Variants in SHTN1 observed in about 807,000 individuals in gnomAD.
SHTN1 encodes the protein shootin-1.
Under a neutral mutation model 83.1 loss-of-function variants are expected in SHTN1, and 42 were observed. The observed-to-expected ratio is 0.51, with a 90% confidence interval of 0.39 to 0.65. The LOEUF is 0.65. SHTN1 is among the 30% of genes least tolerant of loss of function. The pLI, the probability that SHTN1 is intolerant of heterozygous loss-of-function variation, is 0.00. For missense variants in SHTN1, 622 were observed against 737.8 expected (o/e 0.84, Z 1.82); for synonymous variants, 224 against 247.7 (o/e 0.90, Z 0.90).
intron 1 of SHTN1, among the ~76,000 whole-genome samples, chr10:117,065,533 C>T (rs917542038): frequency 6.6e-6 from 1 of 150,896 alleles, no homozygotes; most frequent in Non-Finnish European, 1.5e-5. Flanking sequence ...GCCTGACCAA[C>T]ATGGTGAAAC....
At chr10:117,079,848 T>A (rs1357147586) in intron 1 of SHTN1, among the ~76,000 whole-genome samples, 1 of 148,878 alleles carries the variant, frequency 6.7e-6, no homozygotes, top group Non-Finnish European at 1.5e-5. Context: ...TTGAGAAGTG[T>A]CTGTTCATGT....
intron 3 of SHTN1, among the ~76,000 whole-genome samples, chr10:116,966,005 T>C (rs1048817827): frequency 5.9e-5 from 9 of 152,124 alleles, no homozygotes; most frequent in Non-Finnish European, 1.0e-4. Context: ...CTTATTTTTT[T>C]TGTTTTTTTG....
At chr10:116,895,302 C>T (rs1199874046) in intron 16 of SHTN1, among the ~76,000 whole-genome samples, 1 of 152,150 alleles carries the variant, frequency 6.6e-6, no homozygotes, top group African/African-American at 2.4e-5. Flanking sequence ...GCAAATAGAA[C>T]TTATGCTGAC....
At chr10:117,092,388 A>G (rs1012878419) in intron 1 of SHTN1, among the ~76,000 whole-genome samples, 4 of 152,226 alleles carry the variant, frequency 2.6e-5, no homozygotes, top group African/African-American at 9.6e-5. Context: ...ACCAAGCTAC[A>G]ACATCCTTTA....
chr10:116,942,349 A>G (rs1262826454), intron 8 of SHTN1, among the ~76,000 whole-genome samples: 4 of 151,918 alleles, frequency 2.6e-5, no homozygotes, highest in Admixed American at 6.6e-5. Context: ...AGTAGCTGGG[A>G]CTACAGGTGC....
intron 1 of SHTN1, among the ~76,000 whole-genome samples, chr10:117,090,402 G>A (rs942666923): frequency 1.3e-5 from 2 of 152,078 alleles, no homozygotes; most frequent in Non-Finnish European, 2.9e-5. Flanking sequence ...AGGGGCCAGG[G>A]GACAGAAGGC....
chr10:116,978,809 A>C (rs1056654987), intron 2 of SHTN1, among the ~76,000 whole-genome samples: 1 of 152,214 alleles, frequency 6.6e-6, no homozygotes, highest in East Asian at 1.9e-4. Context: ...TAAATAGAAG[A>C]AGCAGACATA....
intron 1 of SHTN1, among the ~76,000 whole-genome samples, chr10:117,120,811 ATTT>A (rs71013645): frequency 9.2e-5 from 13 of 141,432 alleles, no homozygotes; most frequent in Admixed American, 2.1e-4. Flanking sequence ...CACTGATTTG[ATTT>A]TTTTTTTTTT....
intron 1 of SHTN1, among the ~76,000 whole-genome samples, chr10:117,094,394 G>A (rs1460124038): frequency 1.3e-5 from 2 of 152,064 alleles, no homozygotes; most frequent in Non-Finnish European, 2.9e-5. Flanking sequence ...TTCTTCCTAG[G>A]GTTTCACCTT....
At chr10:116,988,557 T>A (rs574444449) in intron 1 of SHTN1, among the ~76,000 whole-genome samples, 1 of 150,544 alleles carries the variant, frequency 6.6e-6, no homozygotes, top group Non-Finnish European at 1.5e-5. Context: ...TTATTTATTT[T>A]ATTATTTTTG....
intron 9 of SHTN1, among the ~76,000 whole-genome samples, chr10:116,933,924 A>T (rs985541151): frequency 1.3e-5 from 2 of 152,078 alleles, no homozygotes; most frequent in Non-Finnish European, 2.9e-5. Flanking sequence ...ACCAGTGATG[A>T]TGAGCTTTTT....
At chr10:116,963,808 A>T (rs1850292308) in intron 3 of SHTN1, among the ~76,000 whole-genome samples, 1 of 152,192 alleles carries the variant, frequency 6.6e-6, no homozygotes. Flanking sequence ...TTCATAGTAA[A>T]AAAATTTTAA....
chr10:117,055,605 C>T (rs1308741089), intron 1 of SHTN1, among the ~76,000 whole-genome samples: 7 of 152,162 alleles, frequency 4.6e-5, no homozygotes, highest in Admixed American at 4.6e-4. Flanking sequence ...CAGTGGCTTG[C>T]ACCTGTAATT....
intron 1 of SHTN1, among the ~76,000 whole-genome samples, chr10:117,083,828 T>A (rs542074102): frequency 5.9e-5 from 9 of 152,284 alleles, no homozygotes; most frequent in African/African-American, 2.2e-4. Context: ...TTCTTCCAGT[T>A]GATCGCATCG....
chr10:117,114,407 G>T (rs1295551573), intron 1 of SHTN1, among the ~76,000 whole-genome samples: 4 of 152,122 alleles, frequency 2.6e-5, no homozygotes, highest in African/African-American at 9.7e-5. Flanking sequence ...AAGAGGGGTT[G>T]GGGGCAGCCT....
At chr10:116,945,134 G>T in intron 7 of SHTN1, 116 bp from the exon 8 acceptor site, 1 of 686,828 alleles carries the variant, frequency 1.5e-6, no homozygotes, top group Non-Finnish European at 2.5e-6. Flanking sequence ...GTACCCTCAT[G>T]CATTCCTGGT....
At chr10:117,037,565 TAA>T (rs922623313) in intron 2 of SHTN1, among the ~76,000 whole-genome samples, 2 of 152,082 alleles carry the variant, frequency 1.3e-5, no homozygotes, top group Non-Finnish European at 2.9e-5. Flanking sequence ...CTAAAGCTTA[TAA>T]AGAGAGGCAA....
chr10:116,902,830 T>C (rs2133327127), intron 15 of SHTN1, among the ~76,000 whole-genome samples: 1 of 152,278 alleles, frequency 6.6e-6, no homozygotes, highest in Middle Eastern at 3.4e-3. Context: ...GCACAAAACT[T>C]GGGTGTCTCT....
intron 1 of SHTN1, among the ~76,000 whole-genome samples, chr10:117,108,714 T>G (rs4751617): frequency 3.9e-5 from 6 of 152,076 alleles, no homozygotes; most frequent in Admixed American, 1.3e-4. Flanking sequence ...AATAATAATT[T>G]AAAAACAAGA....
Sources: gnomAD v4.1 joint callset for allele counts (sites outside exome capture counted in the v4.1 genomes callset) on GRCh38, gnomAD v4.1.1 for gene constraint, MANE v1.5 for transcripts, NCBI Gene and HGNC (gene_info 2026-07-23, HGNC 2026-07-21) for gene names.